Variants in CD2BP2 observed in about 807,000 individuals in gnomAD.
The protein encoded by CD2BP2 is CD2 cytoplasmic tail binding protein 2, also known as CD2 antigen cytoplasmic tail-binding protein 2.
CD2BP2 carries 27 observed loss-of-function variants against 35.9 expected under a neutral mutation model. The ratio of observed to expected loss-of-function variants is 0.75; its 90% CI spans 0.55 to 1.04. The LOEUF is 1.04. Among genes scored for constraint, CD2BP2 ranks in the 50% least tolerant of loss-of-function variants. The probability of loss-of-function intolerance (pLI) is 0.00; values close to 1 mark genes in which losing one functional copy is unlikely to be tolerated. For synonymous variants in CD2BP2, 213 were observed against 173.5 expected (o/e 1.23, Z -1.79); for missense variants, 497 against 444.3 (o/e 1.12, Z -1.07).
In CD2BP2 at chr16:30,353,399, T is replaced by C. The variant is rs368799156; in HGVS notation, c.777A>G (p.Glu259=). 2 of 1,614,120 alleles carry C rather than the reference T, an allele frequency of 1.2e-6. No individual in the cohort carries two copies. Among genetic ancestry groups the C allele is most frequent in the Non-Finnish European group, 1.7e-6 (2 of 1,180,002 alleles). Residue 259 remains glutamate, a synonymous_variant, in exon 5 of 7, where the codon GAA becomes GAG. Transcript: ENST00000305596. The part of the protein sequence containing the change: ...DMFAEELAEE[E]LETPTPTQRG... ...TCTGGGTAGGGGTTGGGGTCTCCAG[T>C]TCCTCCTCCGCCAACTCCTCAGCGA...
chr16:30,354,447 G>C (rs866776384), intron 2 of CD2BP2, 125 bp from the exon 3 acceptor site: 1 of 1,384,464 alleles, frequency 7.2e-7, no homozygotes, highest in Non-Finnish European at 9.9e-7. Flanking sequence ...AAATATTTCA[G>C]GAGCCACACT....
rs2049516737 is a variant in CD2BP2 at position 30,354,481 on chromosome 16, C to T, written c.78+123G>A. On this transcript the variant is annotated intron_variant, in intron 2 of 6. Transcript: ENST00000305596. Reference sequence around the variant, plus strand: ...CTAAAGACGCTCCCAACCCATTCCTCAGAGAACCTGAAAAAACTAGGCTTT... The same window carrying T: ...CTAAAGACGCTCCCAACCCATTCCTTAGAGAACCTGAAAAAACTAGGCTTT... The T allele has an allele frequency of 2.2e-6, 3 of 1,377,332 alleles. No individual in the cohort carries two copies. In the East Asian group the frequency reaches 6.9e-5, roughly 32 times the overall value. The allele number at this position is 1,377,332 out of a possible 1,614,324, so 85.3% of individuals were successfully genotyped here. A position where few individuals can be genotyped will look rare whatever the true frequency, so the allele number is the denominator to read the frequency against.
At chr16:30,353,330 TC>T (rs1567406731) in intron 5 of CD2BP2, 37 bp downstream of exon 5, 1 of 1,613,182 alleles carries the variant, frequency 6.2e-7, no homozygotes, top group Non-Finnish European at 8.5e-7. Flanking sequence ...GTGTCTCACT[TC>T]CTACCCACTG....
In CD2BP2 at chr16:30,354,617, A is replaced by C; in HGVS notation, c.65T>G (p.Val22Gly). The change falls in exon 2 of 7, where the codon GTC becomes GGC. Residue 22 changes from valine to glycine, a missense_variant. Transcript: ENST00000305596. The stretch of plus-strand genomic sequence containing the variant: ...TGGCCCCCTCACCTTCTTCTTGGGG[A>C]CAATGATTTCATCCTCATCCTCCTC... ...GDEEDEDEII[V>G]PKKKLVDPVA... The C allele has an allele frequency of 1.2e-6, 2 of 1,613,326 alleles. No individual in the cohort carries two copies. Among genetic ancestry groups the C allele is most frequent in the Non-Finnish European group, 1.7e-6 (2 of 1,179,766 alleles).
At chr16:30,353,871 G>C (rs1314832679) in intron 4 of CD2BP2, 30 bp downstream of exon 4, 17 of 1,611,578 alleles carry the variant, frequency 1.1e-5, no homozygotes, top group Non-Finnish European at 1.4e-5. Context: ...CCACTCCCAG[G>C]CCCCAGCCAC....
Position 30,354,195 on chromosome 16 carries a change from T to G in CD2BP2, c.206A>C (p.Glu69Ala). Residue 69 changes from glutamate (E) to alanine (A), a missense_variant, in exon 3 of 7, where the codon GAG becomes GCG. Coordinates refer to ENST00000305596, the MANE Select transcript of CD2BP2 (RefSeq NM_006110.3). Reference sequence around the variant, plus strand: ...TGGGTACAGCTTACCTTCTACATCCTCTGAGGCCAAGATGTCATATTTGCT... The same window carrying G: ...TGGGTACAGCTTACCTTCTACATCCGCTGAGGCCAAGATGTCATATTTGCT... ...GSSKYDILAS[E>A]DVEGQEAATL... 3 of 1,614,064 alleles carry G rather than the reference T, an allele frequency of 1.9e-6. No individual in the cohort carries two copies. The highest frequency in any genetic ancestry group is 2.5e-6 in the Non-Finnish European group (3 of 1,179,990).
Position 30,354,272 on chromosome 16 carries a change from G to C in CD2BP2, c.129C>G (p.Gly43=). Residue 43 remains glycine (G), a synonymous_variant, in exon 3 of 7, where the codon GGC becomes GGG. Transcript: ENST00000305596. ...GSGGPGSRFK[G]KHSLDSDEEE... is the part of the protein sequence containing the mutation. ...CCTCATCGCTATCCAAAGAGTGTTT[G>C]CCTTTAAAGCGGCTCCCAGGACCCC... 1 of 1,613,980 alleles carries C rather than the reference G, an allele frequency of 6.2e-7. No individual in the cohort carries two copies. Among genetic ancestry groups the C allele is most frequent in the South Asian group, 1.1e-5 (1 of 91,064 alleles).
chr16:30,354,862 C>T (rs1300134278), intron 1 of CD2BP2, 155 bp from the exon 2 acceptor site: 13 of 643,706 alleles, frequency 2.0e-5, no homozygotes, highest in Non-Finnish European at 2.8e-6. Context: ...AGCCAGGAGG[C>T]CTCCAGGACT....
chr16:30,352,817 T>C lies in CD2BP2; in HGVS notation c.*168A>G. The stretch of plus-strand genomic sequence containing the variant: ...AGGGACTGTGGAGAAGGCCCCTGGC[T>C]TCTGGCCATCAGCACAGCCAAGGCC... On this transcript the variant is annotated 3_prime_UTR_variant, in exon 7 of 7. Transcript: ENST00000305596. The C allele has an allele frequency of 3.3e-6, 2 of 611,356 alleles. No individual in the cohort carries two copies. The highest frequency in any genetic ancestry group is 5.9e-6 in the Non-Finnish European group (2 of 341,460). 37.9% of individuals were successfully genotyped at this position (611,356 alleles called of 1,614,324 possible). A position where few individuals can be genotyped will look rare whatever the true frequency, so the allele number is the denominator to read the frequency against.
rs1434128174 is a variant in CD2BP2 at position 30,355,231 on chromosome 16, G to A, written c.-46C>T. 1 of 152,718 alleles carries A rather than the reference G, an allele frequency of 6.5e-6. No homozygotes were observed. Among genetic ancestry groups the A allele is most frequent in the Non-Finnish European group, 1.5e-5 (1 of 68,302 alleles). The allele number at this position is 152,718 out of a possible 1,614,324, so 9.5% of individuals were successfully genotyped here. On this transcript the variant is annotated 5_prime_UTR_variant, in exon 1 of 7. Coordinates refer to ENST00000305596, the MANE Select transcript of CD2BP2 (RefSeq NM_006110.3). ...ACTCACCTGGGAATCCGCGGAAGGC[G>A]AGGTGGAAAAAAGAAGAGATGCTTG... is the stretch of plus-strand genomic sequence containing the variant.
chr16:30,354,040 A>G lies in CD2BP2; in HGVS notation c.236T>C (p.Leu79Pro). 1 of 1,613,946 alleles carries G rather than the reference A, an allele frequency of 6.2e-7. No homozygotes were observed. Among genetic ancestry groups the G allele is most frequent in the Non-Finnish European group, 8.5e-7 (1 of 1,179,984 alleles). Residue 79 changes from leucine to proline, a missense_variant, in exon 4 of 7, where the codon CTC becomes CCC. Coordinates refer to ENST00000305596, the MANE Select transcript of CD2BP2 (RefSeq NM_006110.3). ...GATCCGAACACCCCCCTCGCTGGGG[A>G]GTGTGGCTGCCTCCTGACCTGCACC... is the stretch of plus-strand genomic sequence containing the variant. ...EDVEGQEAATLPSEGGVRITP... is the reference protein window; with the variant it reads ...EDVEGQEAATPPSEGGVRITP...
chr16:30,353,956 T>A lies in CD2BP2; in HGVS notation c.320A>T (p.Tyr107Phe). Residue 107 changes from tyrosine to phenylalanine, a missense_variant, in exon 4 of 7, where the codon TAC (tyrosine) becomes TTC (phenylalanine). Physicochemically the swap from Tyr to Phe is conservative, Grantham distance 22. Coordinates refer to ENST00000305596, the MANE Select transcript of CD2BP2 (RefSeq NM_006110.3). ...GATCTGAGCATCCCGGTTCAGGAAG[T>A]AGTTGCCATCGGCATCAAAGTGGCC... ...EEGHFDADGN[Y>F]FLNRDAQIRD... 6.2e-7 allele frequency: 1 copy of A among 1,614,174 alleles called. No individual in the cohort carries two copies. Among genetic ancestry groups the A allele is most frequent in the Non-Finnish European group, 8.5e-7 (1 of 1,180,024 alleles).
At position 30,353,374 on chromosome 16, in the gene CD2BP2, T is replaced by C. The variant is rs771515590; in HGVS notation, c.802A>G (p.Arg268Gly). ...CTCTGTCCTCCAAGCTCACCTCCTC[T>C]CTGGGTAGGGGTTGGGGTCTCCAGT... is the stretch of plus-strand genomic sequence containing the variant. The part of the protein sequence containing the change: ...EELETPTPTQ[R>G]GEAESRGDGL... Residue 268 changes from arginine to glycine, a missense_variant, in exon 5 of 7, where the codon AGA becomes GGA. By Grantham distance (125) the Arg-to-Gly change is moderately radical. Transcript: ENST00000305596. The C allele has an allele frequency of 1.2e-6, 2 of 1,613,762 alleles. No individual in the cohort carries two copies. Among genetic ancestry groups the C allele is most frequent in the East Asian group, 2.2e-5 (1 of 44,890 alleles).
Position 30,352,483 on chromosome 16 carries a change from G to A in CD2BP2, c.*502C>T, listed in dbSNP as rs2049489943. ...TAAGGAGCTTGAGAGGGTGAAGCGA[G>A]AGTAAGAGGGTTCCATGCTCACCCC... On this transcript the variant is annotated 3_prime_UTR_variant, in exon 7 of 7. Transcript: ENST00000305596. The A allele has an allele frequency of 6.3e-6, 1 of 159,228 alleles. No homozygotes were observed. Among genetic ancestry groups the A allele is most frequent in the Non-Finnish European group, 1.4e-5 (1 of 71,702 alleles). The allele number at this position is 159,228 out of a possible 1,614,324, so 9.9% of individuals were successfully genotyped here.
rs199947984 is a variant in CD2BP2, at chr16:30,353,575, G to A, written c.601C>T (p.Arg201Trp). ...GQPSSPQRLD[R>W]LSGLADQMVA... ...ATCTGGTCGGCCAACCCGGAGAGCC[G>A]GTCCAGGCGCTGAGGGGAACTGGGT... Residue 201 changes from arginine (R) to tryptophan (W), a missense_variant, in exon 5 of 7, where the codon CGG becomes TGG. Arg to Trp is a moderately radical substitution (Grantham distance 101). Coordinates refer to ENST00000305596, the MANE Select transcript of CD2BP2 (RefSeq NM_006110.3). The A allele has an allele frequency of 1.2e-4, 190 of 1,613,972 alleles. No homozygotes were observed. The highest frequency in any genetic ancestry group is 1.5e-4 in the Non-Finnish European group (181 of 1,179,988).
Position 30,353,156 on chromosome 16 carries a change from CAGG to C in CD2BP2, c.915+22_915+24del, listed in dbSNP as rs1488031183. 7 of 1,609,632 alleles carry C rather than the reference CAGG, an allele frequency of 4.3e-6. No individual in the cohort carries two copies. The South Asian group carries it at 6.6e-5, about 15-fold the overall frequency. ...AGGAGTGGGGGAAGCAGGGACAAGGCAGGAGGAGGGAGAAAGCAGCTCACCTGC... is the reference window on the plus strand; with the variant it reads ...AGGAGTGGGGGAAGCAGGGACAAGGCAGGAGGGAGAAAGCAGCTCACCTGC... On this transcript the variant is annotated intron_variant, in intron 6 of 6. Transcript: ENST00000305596.
At position 30,352,760 on chromosome 16, in the gene CD2BP2, AT is replaced by A; in HGVS notation, c.*224del. The A allele has an allele frequency of 1.8e-6, 1 of 571,002 alleles. No homozygotes were observed. The highest frequency in any genetic ancestry group is 2.1e-5 in the South Asian group (1 of 47,578). The allele number at this position is 571,002 out of a possible 1,614,324, so 35.4% of individuals were successfully genotyped here. A position where few individuals can be genotyped will look rare whatever the true frequency, so the allele number is the denominator to read the frequency against. ...ACAGGCACCTCCAAGAAGGATCTTC[AT>A]GGGAGTACTCAGGGACCAAGACAAG... On this transcript the variant is annotated 3_prime_UTR_variant, in exon 7 of 7. Transcript: ENST00000305596.
chr16:30,354,586 G>C lies in CD2BP2; in HGVS notation c.78+18C>G. Reference sequence around the variant, plus strand: ...CTAGCTCCTCTTTCCCCCACACAAAGCAGTCTGGCCCCCTCACCTTCTTCT... The same window carrying C: ...CTAGCTCCTCTTTCCCCCACACAAACCAGTCTGGCCCCCTCACCTTCTTCT... On this transcript the variant is annotated intron_variant, in intron 2 of 6. Coordinates refer to ENST00000305596, the MANE Select transcript of CD2BP2 (RefSeq NM_006110.3). The C allele has an allele frequency of 6.2e-7, 1 of 1,610,884 alleles. No homozygotes were observed.
chr16:30,353,681 T>C lies in CD2BP2; in HGVS notation c.495A>G (p.Leu165=), dbSNP rs755618180. The change falls in exon 5 of 7, where the codon CTA becomes CTG. Residue 165 remains leucine, a synonymous_variant. Transcript: ENST00000305596. ...QALLEGLLEL[L]LPRETVAGAL... ...CCCCAGCCACTGTCTCTCTAGGCAA[T>C]AGGAGCTCCAAAAGTCCCTCCAAGA... The C allele has an allele frequency of 9.9e-6, 16 of 1,613,720 alleles. No homozygotes were observed. The highest frequency in any genetic ancestry group is 1.6e-4 in the Middle Eastern group (1 of 6,080).
Sources: gnomAD v4.1 joint callset for allele counts on GRCh38, gnomAD v4.1.1 for gene constraint, MANE v1.5 for transcripts, NCBI Gene and HGNC (gene_info 2026-07-23, HGNC 2026-07-21) for gene names.